CC2D2A: variants seen among roughly 807,000 people sequenced by gnomAD.
CC2D2A encodes coiled-coil and C2 domain-containing protein 2A.
CC2D2A carries 155 observed loss-of-function variants against 212.9 expected under a neutral mutation model. The observed-to-expected ratio is 0.73, with a 90% CI of 0.64 to 0.83. The LOEUF (loss-of-function observed/expected upper bound fraction) is 0.83, where lower values mean the gene tolerates loss of function less well. Among genes scored for constraint, CC2D2A ranks in the 40% least tolerant of loss-of-function variants. The pLI, the probability that CC2D2A is intolerant of heterozygous loss-of-function variation, is 0.00. For synonymous variants in CC2D2A, 667 were observed against 686.5 expected, an observed-to-expected ratio of 0.97 and a Z score of 0.44; for missense variants, 1,856 against 1,956.2, an observed-to-expected ratio of 0.95 and a Z score of 0.97.
chr4:15,585,518 T>TC lies in CC2D2A; in HGVS notation c.3976-638dup, dbSNP rs1346781858. On this transcript the variant is annotated intron_variant, in intron 30 of 36. Transcript: ENST00000424120. Reference sequence around the variant, plus strand: ...AGGAGTGCAGATGGAGAGAGGCTGTTCAACAGGTGCAAAGTTACAGTTAGG... The same window carrying TC: ...AGGAGTGCAGATGGAGAGAGGCTGTTCCAACAGGTGCAAAGTTACAGTTAGG... Among the ~76,000 whole-genome samples, 6 of 152,302 alleles carry TC rather than the reference T, an allele frequency of 3.9e-5. No homozygotes were observed. The East Asian group carries it at 1.2e-3, about 29-fold the overall frequency.
At chr4:15,527,401 T>TA in intron 11 of CC2D2A, 46 bp from the exon 12 acceptor site, 1 of 1,386,036 alleles carries the variant, frequency 7.2e-7, no homozygotes, top group Non-Finnish European at 1.0e-6. Flanking sequence ...CATTATCTAG[T>TA]AAGTGCTTTA....
intron 24 of CC2D2A, 85 bp from the exon 25 acceptor site, chr4:15,567,292 T>C: frequency 9.6e-7 from 1 of 1,038,988 alleles, no homozygotes; most frequent in Non-Finnish European, 1.5e-6. Flanking sequence ...AGTGAGACCC[T>C]ATCTCAATAA....
At chr4:15,486,863 T>A (rs558967509) in intron 4 of CC2D2A, among the ~76,000 whole-genome samples, 1 of 152,156 alleles carries the variant, frequency 6.6e-6, no homozygotes, top group South Asian at 2.1e-4. Flanking sequence ...TTTTCATTTG[T>A]TCCAGTCAAT....
intron 3 of CC2D2A, 82 bp downstream of exon 3, chr4:15,478,888 C>A: frequency 8.6e-7 from 1 of 1,159,362 alleles, no homozygotes. Context: ...ACAGAATCCA[C>A]AAGGGCAGCC....
At chr4:15,560,735 G>C (rs1432770564) in intron 23 of CC2D2A, 113 bp downstream of exon 23, 2 of 557,942 alleles carry the variant, frequency 3.6e-6, no homozygotes, top group Non-Finnish European at 6.3e-6. Flanking sequence ...GTATGCATTT[G>C]GGCCAGGAAT....
intron 28 of CC2D2A, among the ~76,000 whole-genome samples, chr4:15,573,017 C>G (rs1193335962): frequency 1.3e-5 from 2 of 152,142 alleles, no homozygotes; most frequent in African/African-American, 4.8e-5. Context: ...TGCTCTTCTC[C>G]TAGCCATGCT....
chr4:15,597,253 T>G (rs1721358011), intron 34 of CC2D2A, among the ~76,000 whole-genome samples, 154 bp from the exon 35 acceptor site: 1 of 152,212 alleles, frequency 6.6e-6, no homozygotes, highest in Non-Finnish European at 1.5e-5. Flanking sequence ...TTATGATGTT[T>G]TACTTTTGGT....
intron 29 of CC2D2A, chr4:15,576,247 G>C (rs114491244): frequency 7.7e-4 from 169 of 218,870 alleles, no homozygotes; most frequent in African/African-American, 3.7e-3. Context: ...ATGTCCAAAA[G>C]AGGCAGTGGC....
chr4:15,593,829 C>T (rs2148491907), intron 33 of CC2D2A, among the ~76,000 whole-genome samples: 1 of 152,300 alleles, frequency 6.6e-6, no homozygotes, highest in African/African-American at 2.4e-5. Context: ...TTATTCAAAA[C>T]AAGTGTCCTA....
chr4:15,591,456 T>C (rs936546077), intron 33 of CC2D2A, among the ~76,000 whole-genome samples: 2 of 152,082 alleles, frequency 1.3e-5, no homozygotes, highest in African/African-American at 4.8e-5. Context: ...CGACCTCAGG[T>C]GATCTGCCCG....
At chr4:15,501,675 C>A (rs2108997365) in intron 4 of CC2D2A, among the ~76,000 whole-genome samples, 1 of 152,222 alleles carries the variant, frequency 6.6e-6, no homozygotes, top group Non-Finnish European at 1.5e-5. Flanking sequence ...GGGCTGGGAC[C>A]AAATCCCAAG....
intron 24 of CC2D2A, among the ~76,000 whole-genome samples, chr4:15,564,705 G>A (rs1049072379): frequency 6.6e-6 from 1 of 151,816 alleles, no homozygotes; most frequent in African/African-American, 2.4e-5. Context: ...TTGAAACAGG[G>A]TCTCACTCTG....
intron 3 of CC2D2A, among the ~76,000 whole-genome samples, chr4:15,480,032 A>G (rs1714524109): frequency 6.6e-6 from 1 of 152,234 alleles, no homozygotes; most frequent in African/African-American, 2.4e-5. Flanking sequence ...AATAAGTTCC[A>G]TCCCGGGCCA....
chr4:15,479,357 G>A (rs1714470050), intron 3 of CC2D2A: 1 of 1,481,832 alleles, frequency 6.7e-7, no homozygotes, highest in African/African-American at 1.4e-5. Context: ...GTTGTCCTCT[G>A]AGAAGGGAGG....
chr4:15,552,420 CT>C (rs1719050593), intron 18 of CC2D2A, among the ~76,000 whole-genome samples: 1 of 152,190 alleles, frequency 6.6e-6, no homozygotes, highest in Admixed American at 6.5e-5. Flanking sequence ...CAAAAGTCGC[CT>C]TCATTGAGGC....
rs1577350674 is a variant in CC2D2A, at chr4:15,528,473, A to T, written c.1360-147A>T. 3 of 609,316 alleles carry T rather than the reference A, an allele frequency of 4.9e-6. No individual in the cohort carries two copies. In the East Asian group the frequency reaches 8.3e-5, roughly 17 times the overall value. The allele number at this position is 609,316 out of a possible 1,614,324, so 37.7% of individuals were successfully genotyped here. ...TTCTCCATCATAATTCATTTATGTG[A>T]AAGTCTGGAGACAGCCAGATGCTTG... On this transcript the variant is annotated intron_variant, in intron 12 of 36. Transcript: ENST00000424120.
intron 11 of CC2D2A, among the ~76,000 whole-genome samples, chr4:15,526,274 AC>A (rs11285265): frequency 0.3 from 45,079 of 152,062 alleles, 7,538 homozygotes; most frequent in Non-Finnish European, 0.39. Context: ...CTAGTGATCT[AC>A]GAAATGCTAA....
intron 10 of CC2D2A, 86 bp downstream of exon 10, chr4:15,516,090 A>G: frequency 2.2e-6 from 3 of 1,335,772 alleles, no homozygotes; most frequent in Non-Finnish European, 3.0e-6. Flanking sequence ...CATTGCATCC[A>G]CTGTACTCAT....
chr4:15,556,979 C>G (rs963159201), intron 20 of CC2D2A, among the ~76,000 whole-genome samples: 1 of 152,198 alleles, frequency 6.6e-6, no homozygotes, highest in African/African-American at 2.4e-5. Flanking sequence ...AATCTTATTT[C>G]TAGTAGGCAC....
Sources: gnomAD v4.1 joint callset for allele counts (sites outside exome capture counted in the v4.1 genomes callset) on GRCh38, gnomAD v4.1.1 for gene constraint, MANE v1.5 for transcripts, NCBI Gene and HGNC (gene_info 2026-07-23, HGNC 2026-07-21) for gene names.